KLF12: variants seen among roughly 807,000 people sequenced by gnomAD.
The protein encoded by KLF12 is KLF transcription factor 12.
A neutral mutation model predicts 37.8 loss-of-function variants in KLF12; 9 were observed. The ratio of observed to expected loss-of-function variants is 0.24; its 90% CI spans 0.14 to 0.42. KLF12 has a LOEUF of 0.42. KLF12 is among the 10% of genes least tolerant of loss of function. KLF12 has a pLI of 1.00. For missense variants in KLF12, 411 were observed against 516.0 expected (o/e 0.80, Z 1.97); for synonymous variants, 208 against 202.1 (o/e 1.03, Z -0.25).
At position 74,069,762 on chromosome 13, in the gene KLF12, C is replaced by T. The variant is rs58513101; in HGVS notation, c.-32+63977G>A. Among the ~76,000 whole-genome samples the T allele has an allele frequency of 2.4e-3, 362 of 152,188 alleles. 1 individual carries two copies. The highest frequency in any genetic ancestry group is 8.1e-3 in the African/African-American group (338 of 41,512). ...AAGAAGAATATTAAGAAAGGTATAT[C>T]AGCATGACTTGGTGACTCATGAGAC... On this transcript the variant is annotated intron_variant, in intron 1 of 7. Coordinates refer to ENST00000377669, the MANE Select transcript of KLF12 (RefSeq NM_007249.5).
intron 3 of KLF12, among the ~76,000 whole-genome samples, chr13:73,917,198 C>T (rs1888888963): frequency 6.6e-6 from 1 of 152,130 alleles, no homozygotes; most frequent in East Asian, 1.9e-4. Context: ...TTATCTGCTA[C>T]AAAAATGATT....
At chr13:73,743,120 A>G (rs1029144577) in intron 6 of KLF12, among the ~76,000 whole-genome samples, 1 of 152,194 alleles carries the variant, frequency 6.6e-6, no homozygotes, top group African/African-American at 2.4e-5. Context: ...TTAAAGCAAG[A>G]GTTGCCGCAA....
intron 3 of KLF12, among the ~76,000 whole-genome samples, chr13:73,857,269 A>C (rs960385259): frequency 2.0e-5 from 3 of 152,184 alleles, no homozygotes; most frequent in Non-Finnish European, 4.4e-5. Flanking sequence ...TTTAAATAGC[A>C]CTGTATCTAC....
intron 3 of KLF12, among the ~76,000 whole-genome samples, chr13:73,876,699 A>T (rs966500628): frequency 6.6e-6 from 1 of 151,412 alleles, no homozygotes; most frequent in African/African-American, 2.4e-5. Context: ...TTCAATTCTG[A>T]TTTCTAAAAA....
chr13:73,956,420 G>A (rs918089930), intron 2 of KLF12, among the ~76,000 whole-genome samples: 2 of 152,312 alleles, frequency 1.3e-5, no homozygotes, highest in Non-Finnish European at 2.9e-5. Context: ...CACCAGATAA[G>A]TCTTTCTTGT....
At position 73,686,931 on chromosome 13, in the gene KLF12, T is replaced by C. The variant is rs1020511292; in HGVS notation, c.*8559A>G. 1 of 152,596 alleles carries C rather than the reference T, an allele frequency of 6.6e-6. No homozygotes were observed. The highest frequency in any genetic ancestry group is 6.5e-5 in the Admixed American group (1 of 15,276). 9.5% of individuals were successfully genotyped at this position (152,596 alleles called of 1,614,324 possible). On this transcript the variant is annotated 3_prime_UTR_variant, in exon 8 of 8. Transcript: ENST00000377669. ...TGGCCAAAGATGATATTTTTCTTTA[T>C]TCCCATGTATTTTTTTTTCAAATAT...
chr13:74,290,071 G>T, the KLF12 span, among the ~76,000 whole-genome samples: 1 of 152,068 alleles, frequency 6.6e-6, no homozygotes, highest in Non-Finnish European at 1.5e-5. Flanking sequence ...CTGAGTATTT[G>T]TACAATGCCA....
At chr13:73,967,478 T>A (rs778008505) in intron 2 of KLF12, among the ~76,000 whole-genome samples, 2 of 152,206 alleles carry the variant, frequency 1.3e-5, no homozygotes, top group Non-Finnish European at 2.9e-5. Context: ...CTGCTGAGAC[T>A]CTCATCCTTC....
the KLF12 span, among the ~76,000 whole-genome samples, chr13:74,293,270 C>T: frequency 1.3e-5 from 2 of 152,120 alleles, no homozygotes; most frequent in East Asian, 3.9e-4. Context: ...CAGGGAAAAT[C>T]CTGGGTGAAG....
the KLF12 span, among the ~76,000 whole-genome samples, chr13:74,161,959 C>G: frequency 6.6e-6 from 1 of 152,064 alleles, no homozygotes; most frequent in Non-Finnish European, 1.5e-5. Flanking sequence ...CATTTTAAAT[C>G]AATATATTTT....
intron 1 of KLF12, among the ~76,000 whole-genome samples, chr13:74,002,459 C>T (rs1320358490): frequency 1.3e-5 from 2 of 152,160 alleles, no homozygotes; most frequent in South Asian, 2.1e-4. Context: ...ACTGCAGCCT[C>T]GACCACCCCA....
At chr13:74,221,092 C>T in the KLF12 span, among the ~76,000 whole-genome samples, 2 of 151,570 alleles carry the variant, frequency 1.3e-5, no homozygotes, top group Non-Finnish European at 2.9e-5. Flanking sequence ...GCAAGCTCCG[C>T]CTCCCGGGTT....
At chr13:74,213,597 T>C in the KLF12 span, among the ~76,000 whole-genome samples, 81 of 147,346 alleles carry the variant, frequency 5.5e-4, no homozygotes, top group African/African-American at 1.5e-3. Context: ...CCTCCCTCCT[T>C]CCCTCCCCCT....
the KLF12 span, among the ~76,000 whole-genome samples, chr13:74,155,361 T>C: frequency 2.9e-5 from 4 of 135,786 alleles, no homozygotes; most frequent in African/African-American, 1.0e-4. Flanking sequence ...CCTTTTGTTT[T>C]TGTTTTTGTT....
chr13:73,868,330 G>GGC (rs1886288095), intron 3 of KLF12, among the ~76,000 whole-genome samples: 1 of 131,756 alleles, frequency 7.6e-6, no homozygotes, highest in Non-Finnish European at 1.6e-5. Context: ...GGGGCGGTGG[G>GGC]GGGGGGGGGT....
At chr13:73,930,453 A>G (rs1357449498) in intron 3 of KLF12, among the ~76,000 whole-genome samples, 1 of 152,216 alleles carries the variant, frequency 6.6e-6, no homozygotes, top group African/African-American at 2.4e-5. Flanking sequence ...TTAAAATACT[A>G]CATATTAACT....
At chr13:74,036,900 A>T (rs1231648522) in intron 1 of KLF12, among the ~76,000 whole-genome samples, 1 of 152,198 alleles carries the variant, frequency 6.6e-6, no homozygotes, top group Non-Finnish European at 1.5e-5. Flanking sequence ...TCTTGGTCAC[A>T]TAAGCGTAAA....
At chr13:74,056,313 G>A (rs1227107095) in intron 1 of KLF12, among the ~76,000 whole-genome samples, 1 of 152,184 alleles carries the variant, frequency 6.6e-6, no homozygotes, top group Non-Finnish European at 1.5e-5. Context: ...AAATTTCACT[G>A]ACTGTCACTT....
At chr13:73,904,917 G>C (rs1888204613) in intron 3 of KLF12, among the ~76,000 whole-genome samples, 2 of 149,734 alleles carry the variant, frequency 1.3e-5, no homozygotes, top group South Asian at 4.2e-4. Context: ...AAAAAATCCT[G>C]TGCTTTAACA....
Sources: gnomAD v4.1 joint callset for allele counts (sites outside exome capture counted in the v4.1 genomes callset) on GRCh38, gnomAD v4.1.1 for gene constraint, MANE v1.5 for transcripts, NCBI Gene and HGNC (gene_info 2026-07-23, HGNC 2026-07-21) for gene names.